The following BAZ1B variants were observed in gnomAD, a reference collection of about 807,000 sequenced individuals.
BAZ1B encodes bromodomain adjacent to zinc finger domain 1B, also known as tyrosine-protein kinase BAZ1B.
A neutral mutation model predicts 153.8 loss-of-function variants in BAZ1B; 22 were observed. The observed-to-expected ratio is 0.14, with a 90% CI of 0.10 to 0.20. BAZ1B has a LOEUF of 0.20. Ranked by LOEUF, BAZ1B falls within the 10% of genes least tolerant of loss-of-function variation. The probability of loss-of-function intolerance (pLI) is 1.00; values close to 1 mark genes in which losing one functional copy is unlikely to be tolerated. For synonymous variants in BAZ1B, 676 were observed against 633.4 expected (o/e 1.07, Z -1.01); for missense variants, 1,325 against 1,799.3 (o/e 0.74, Z 4.77).
intron 6 of BAZ1B, among the ~76,000 whole-genome samples, chr7:73,486,338 T>A (rs1382951295): frequency 6.6e-6 from 1 of 152,128 alleles, no homozygotes; most frequent in Non-Finnish European, 1.5e-5. Flanking sequence ...TATTTATTTA[T>A]TTATTTGAGA....
intron 13 of BAZ1B, among the ~76,000 whole-genome samples, chr7:73,457,365 A>G (rs1563368022): frequency 6.6e-6 from 1 of 151,630 alleles, no homozygotes. Context: ...TTTAGTAGAG[A>G]TGAGGTGTCA....
rs988942251 is a variant in BAZ1B at position 73,450,664 on chromosome 7, C to T, written c.3580+183G>A. ...ATGCTCTAAACCGAGGAACAAAGGG[C>T]CTGCTCTGATTCCCTGGCACGACAT... On this transcript the variant is annotated intron_variant, in intron 14 of 19. Transcript: ENST00000339594. The surrounding 1 kb of genome is among the most constrained non-coding windows in gnomAD (Gnocchi z 4.1). Among the ~76,000 whole-genome samples, 1 of 152,070 alleles carries T rather than the reference C, an allele frequency of 6.6e-6. No individual in the cohort carries two copies. The highest frequency in any genetic ancestry group is 2.1e-4 in the South Asian group (1 of 4,816).
At chr7:73,489,873 A>G (rs142963350) in intron 5 of BAZ1B, among the ~76,000 whole-genome samples, 7 of 152,348 alleles carry the variant, frequency 4.6e-5, no homozygotes, top group African/African-American at 1.4e-4. Flanking sequence ...AATATGTATC[A>G]AAGTTTTCTA....
chr7:73,451,526 A>G (rs1211639960), intron 13 of BAZ1B, among the ~76,000 whole-genome samples: 2 of 152,206 alleles, frequency 1.3e-5, no homozygotes, highest in African/African-American at 2.4e-5. Flanking sequence ...GTGGGGTACT[A>G]AACAGACTGG....
chr7:73,490,287 G>A (rs1789583336), intron 5 of BAZ1B, among the ~76,000 whole-genome samples: 1 of 152,064 alleles, frequency 6.6e-6, no homozygotes, highest in Non-Finnish European at 1.5e-5. Flanking sequence ...TGACATTACA[G>A]ATGTTTAGCA....
chr7:73,464,076 T>C (rs982424471), intron 11 of BAZ1B: 2 of 914,956 alleles, frequency 2.2e-6, no homozygotes, highest in Admixed American at 1.2e-4. Context: ...ACAGTTTTAC[T>C]TAATTTACAC....
In BAZ1B at chr7:73,442,224, T is replaced by C; in HGVS notation, c.4424A>G (p.Gln1475Arg). ...EGDSEPEAVG[Q>R]SRGRRQKK ...CTTCTTCTGTCTTCGTCCCCTGGAC[T>C]GTCCAACGGCCTCTGGCTCACTGTC... The change falls in exon 19 of 20, where the codon CAG becomes CGG. Residue 1475 changes from glutamine (Q) to arginine (R), a missense_variant. Physicochemically the swap from Gln to Arg is conservative, Grantham distance 43 (BLOSUM62 1). This residue lies in a region of BAZ1B where 271 missense variants were observed against 337.2 expected (regional missense o/e 0.80). Coordinates refer to ENST00000339594, the MANE Select transcript of BAZ1B (RefSeq NM_032408.4). The C allele has an allele frequency of 6.8e-7, 1 of 1,469,130 alleles. No homozygotes were observed. Among genetic ancestry groups the C allele is most frequent in the African/African-American group, 1.5e-5 (1 of 68,390 alleles). The allele number at this position is 1,469,130 out of a possible 1,614,324, so 91.0% of individuals were successfully genotyped here.
At chr7:73,511,740 G>C (rs1305993791) in intron 1 of BAZ1B, among the ~76,000 whole-genome samples, 3 of 151,592 alleles carry the variant, frequency 2.0e-5, no homozygotes, top group African/African-American at 7.3e-5. Flanking sequence ...GTCCACCACT[G>C]CCAGGCGTGG....
chr7:73,469,460 A>C, intron 9 of BAZ1B, 57 bp downstream of exon 9: 3 of 1,597,310 alleles, frequency 1.9e-6, no homozygotes, highest in South Asian at 2.2e-5. Context: ...AGCAGTCCTT[A>C]ATGTTGAGCC....
At chr7:73,483,831 G>A in intron 6 of BAZ1B, among the ~76,000 whole-genome samples, 1 of 151,960 alleles carries the variant, frequency 6.6e-6, no homozygotes, top group East Asian at 1.9e-4. Flanking sequence ...GTAGAAACAG[G>A]GTCTCGCCAT....
At chr7:73,480,794 A>G (rs1554573572) in intron 6 of BAZ1B, among the ~76,000 whole-genome samples, 2 of 152,208 alleles carry the variant, frequency 1.3e-5, no homozygotes, top group East Asian at 1.9e-4. Flanking sequence ...GAGCCCCTTA[A>G]AAAAGGGTAC....
intron 1 of BAZ1B, among the ~76,000 whole-genome samples, chr7:73,514,864 G>A (rs1219987289): frequency 6.6e-6 from 1 of 151,756 alleles, no homozygotes. Context: ...GGTGGATCAC[G>A]AGGTTAGGAG....
intron 7 of BAZ1B, among the ~76,000 whole-genome samples, chr7:73,471,536 A>C (rs1788803501): frequency 6.6e-6 from 1 of 152,098 alleles, no homozygotes; most frequent in South Asian, 2.1e-4. Context: ...TTTTTTAGAG[A>C]TAGGGTCTTA....
intron 6 of BAZ1B, among the ~76,000 whole-genome samples, chr7:73,482,468 C>G (rs946001550): frequency 1.3e-5 from 2 of 152,092 alleles, no homozygotes; most frequent in Non-Finnish European, 2.9e-5. Context: ...TTTTCTAATG[C>G]TCAGAACAAC....
chr7:73,460,578 A>T (rs572163956), intron 12 of BAZ1B, among the ~76,000 whole-genome samples: 13 of 152,280 alleles, frequency 8.5e-5, no homozygotes, highest in African/African-American at 3.1e-4. Context: ...TTGAACTCCC[A>T]GACTCAAGTG....
Position 73,478,199 on chromosome 7 carries a change from G to T in BAZ1B, c.1262C>A (p.Ser421Tyr). The T allele has an allele frequency of 6.2e-7, 1 of 1,614,058 alleles. No individual in the cohort carries two copies. Among genetic ancestry groups the T allele is most frequent in the South Asian group, 1.1e-5 (1 of 91,064 alleles). ...CTTCAGTCCTTTTTTGGGAGATTTG[G>T]AATTCCCTGTGGATTTCTGTCCATT... is the stretch of plus-strand genomic sequence containing the variant. ...ILNGQKSTGN[S>Y]KSPKKGLKTP... The change falls in exon 7 of 20, where the codon TCC (serine) becomes TAC (tyrosine). Residue 421 changes from serine (S) to tyrosine (Y), a missense_variant. Ser to Tyr is a moderately radical substitution (Grantham distance 144). This residue lies in a region of BAZ1B where 219 missense variants were observed against 248.2 expected (regional missense o/e 0.88). Coordinates refer to ENST00000339594, the MANE Select transcript of BAZ1B (RefSeq NM_032408.4).
At chr7:73,476,480 T>C (rs781894532) in intron 7 of BAZ1B, among the ~76,000 whole-genome samples, 1 of 152,154 alleles carries the variant, frequency 6.6e-6, no homozygotes, top group African/African-American at 2.4e-5. Context: ...ATCAAGCATA[T>C]GAGGAAAGTG....
At position 73,465,485 on chromosome 7, in the gene BAZ1B, G is replaced by C. The variant is rs1563373086; in HGVS notation, c.3025C>G (p.Pro1009Ala). The C allele has an allele frequency of 1.2e-6, 2 of 1,610,870 alleles. No individual in the cohort carries two copies. Among genetic ancestry groups the C allele is most frequent in the Non-Finnish European group, 1.7e-6 (2 of 1,178,730 alleles). ...ELDELLNCLHPQGIRESQLKE... is the reference protein window; with the variant it reads ...ELDELLNCLHAQGIRESQLKE... ...AGTTGACTTTCTCTTATTCCCTGAG[G>C]GTGAAGACAGTTTAGCAACTCATCC... Residue 1009 changes from proline (P) to alanine (A), a missense_variant, in exon 11 of 20, where the codon CCT becomes GCT. Physicochemically the swap from Pro to Ala is conservative, Grantham distance 27. Transcript: ENST00000339594.
chr7:73,510,155 C>T (rs148433887), intron 2 of BAZ1B, among the ~76,000 whole-genome samples: 1,914 of 139,054 alleles, frequency 0.014, 44 homozygotes, highest in African/African-American at 0.049. Flanking sequence ...AAGGGCCAGG[C>T]GCGGTAGCTC....
Sources: allele counts gnomAD v4.1 joint callset (sites outside exome capture counted in the v4.1 genomes callset), GRCh38; gene constraint gnomAD v4.1.1; regional missense constraint gnomAD v4.1.1; non-coding constraint Gnocchi (gnomAD v3.1); transcripts MANE v1.5; gene names NCBI Gene and HGNC (gene_info 2026-07-23, HGNC 2026-07-21).